SCML2: variants seen among roughly 807,000 people sequenced by gnomAD.
The protein encoded by SCML2 is sex comb on midleg-like protein 2.
SCML2 carries 6 observed loss-of-function variants against 48.4 expected under a neutral mutation model. The observed-to-expected ratio is 0.12, with a 90% CI of 0.07 to 0.24. SCML2 has a LOEUF of 0.24. Among genes scored for constraint, SCML2 ranks in the 10% least tolerant of loss-of-function variants. The pLI, the probability that SCML2 is intolerant of heterozygous loss-of-function variation, is 1.00. For synonymous variants in SCML2, 181 were observed against 189.5 expected (o/e 0.95, Z 0.37); for missense variants, 377 against 528.2 (o/e 0.71, Z 2.81).
Position 18,335,734 on chromosome X carries a change from T to C in SCML2, c.-24-1639A>G, listed in dbSNP as rs1057020253. ...ACGTATACAGATGATCGAAAATACA[T>C]ACTTGAAGAAAACCTAAATAAATCA... On this transcript the variant is annotated intron_variant, in intron 1 of 14. Transcript: ENST00000251900. Among the ~76,000 whole-genome samples, 3 of 111,300 alleles carry C rather than the reference T, an allele frequency of 2.7e-5. No individual in the cohort carries two copies. The South Asian group carries it at 1.1e-3, about 42-fold the overall frequency.
intron 11 of SCML2, among the ~76,000 whole-genome samples, chrX:18,255,690 G>A (rs1389763272): frequency 8.9e-6 from 1 of 112,291 alleles, no homozygotes; most frequent in African/African-American, 3.2e-5. Flanking sequence ...GAGGAGACAA[G>A]CTTTATGAAG....
chrX:18,260,146 T>C lies in SCML2; in HGVS notation c.1069+25A>G, dbSNP rs750980494. The C allele has an allele frequency of 4.6e-6, 5 of 1,084,397 alleles. No homozygotes were observed. The African/African-American group carries it at 5.6e-5, about 12-fold the overall frequency. The allele number at this position is 1,084,397 out of a possible 1,213,427, so 89.4% of individuals were successfully genotyped here. On this transcript the variant is annotated intron_variant, in intron 9 of 14. Coordinates refer to ENST00000251900, the MANE Select transcript of SCML2 (RefSeq NM_006089.3). Reference sequence around the variant, plus strand: ...ACAGGATAAAAGATTAGTAATTCTATACTATTTTTAAAATATGAATTTACC... The same window carrying C: ...ACAGGATAAAAGATTAGTAATTCTACACTATTTTTAAAATATGAATTTACC...
chrX:18,294,988 AC>A (rs1395271413), intron 7 of SCML2, among the ~76,000 whole-genome samples: 1 of 109,379 alleles, frequency 9.1e-6, no homozygotes, highest in Non-Finnish European at 1.9e-5. Flanking sequence ...ACTAGCAATT[AC>A]CCCCCACCCC....
chrX:18,246,630 G>T lies in SCML2; in HGVS notation c.1769C>A (p.Ser590Tyr). ...AACTTCATGGGGACTGCTCTTGGGG[G>T]ATATGTCCCCAACTAGTGGTGAACT... is the stretch of plus-strand genomic sequence containing the variant. ...TTSSPLVGDISPKSSPHEVKF... is the reference protein window; with the variant it reads ...TTSSPLVGDIYPKSSPHEVKF... Residue 590 changes from serine to tyrosine, a missense_variant, in exon 13 of 15, where the codon TCC (serine) becomes TAC (tyrosine). Coordinates refer to ENST00000251900, the MANE Select transcript of SCML2 (RefSeq NM_006089.3). 1 of 1,209,057 alleles carries T rather than the reference G, an allele frequency of 8.3e-7. No individual in the cohort carries two copies. Among genetic ancestry groups the T allele is most frequent in the Non-Finnish European group, 1.1e-6 (1 of 893,238 alleles).
At chrX:18,350,092 A>T (rs1215931206) in intron 1 of SCML2, among the ~76,000 whole-genome samples, 1 of 111,351 alleles carries the variant, frequency 9.0e-6, no homozygotes, top group African/African-American at 3.3e-5. Context: ...GTGAAACCCC[A>T]TCTCTACTAA....
intron 7 of SCML2, among the ~76,000 whole-genome samples, chrX:18,281,693 T>G (rs1169684587): frequency 1.5e-5 from 1 of 67,978 alleles, no homozygotes; most frequent in Non-Finnish European, 2.6e-5. Flanking sequence ...GCCTGGGGGA[T>G]AGAGTGAGAC....
intron 14 of SCML2, among the ~76,000 whole-genome samples, chrX:18,242,206 G>T (rs10521679): frequency 9.0e-6 from 1 of 111,507 alleles, no homozygotes; most frequent in Admixed American, 9.6e-5. Flanking sequence ...CTGAATCATC[G>T]TATCTTGAGA....
chrX:18,248,373 C>T (rs5909169), intron 11 of SCML2, among the ~76,000 whole-genome samples: 30,407 of 111,512 alleles, frequency 0.27, 3,543 homozygotes, highest in African/African-American at 0.44. Flanking sequence ...AGGACCACTC[C>T]GTAAAGCATG....
chrX:18,320,566 A>C, intron 5 of SCML2, 146 bp from the exon 6 acceptor site: 1 of 374,569 alleles, frequency 2.7e-6, no homozygotes, highest in Admixed American at 4.2e-5. Context: ...CAAGAGGAGC[A>C]GATGTACCCT....
At chrX:18,277,713 T>A (rs780951239) in intron 7 of SCML2, among the ~76,000 whole-genome samples, 1 of 112,032 alleles carries the variant, frequency 8.9e-6, no homozygotes, top group Non-Finnish European at 1.9e-5. Flanking sequence ...TGGTTAAATA[T>A]GTTTTTCACG....
chrX:18,325,466 T>C (rs1158545267), intron 3 of SCML2, among the ~76,000 whole-genome samples: 1 of 111,534 alleles, frequency 9.0e-6, no homozygotes. Flanking sequence ...AAGAAAAAAA[T>C]GTGGTAACCA....
At chrX:18,349,665 C>T (rs940607150) in intron 1 of SCML2, among the ~76,000 whole-genome samples, 2 of 111,494 alleles carry the variant, frequency 1.8e-5, no homozygotes, top group Admixed American at 9.5e-5. Flanking sequence ...GGCATGGTTG[C>T]GCACGCCTGT....
intron 14 of SCML2, among the ~76,000 whole-genome samples, chrX:18,241,664 A>G (rs1299198550): frequency 8.9e-6 from 1 of 112,389 alleles, no homozygotes; most frequent in Admixed American, 9.5e-5. Flanking sequence ...AATACTAAAT[A>G]TATCTATGAC....
At chrX:18,339,162 A>T (rs1186525745) in intron 1 of SCML2, among the ~76,000 whole-genome samples, 1 of 111,540 alleles carries the variant, frequency 9.0e-6, no homozygotes, top group African/African-American at 3.3e-5. Context: ...CAGACCAAAG[A>T]GTTGTTGCTT....
intron 9 of SCML2, 90 bp from the exon 10 acceptor site, chrX:18,258,337 C>T (rs1926938287): frequency 1.6e-6 from 1 of 606,840 alleles, no homozygotes; most frequent in Non-Finnish European, 2.6e-6. Context: ...CTATATCCCA[C>T]TATCCACTTC....
At chrX:18,342,240 T>G (rs1569166049) in intron 1 of SCML2, among the ~76,000 whole-genome samples, 1 of 111,901 alleles carries the variant, frequency 8.9e-6, no homozygotes. Context: ...GTTAAAAGCT[T>G]CAGGCTTTTG....
At chrX:18,327,736 G>C (rs1436967964) in intron 3 of SCML2, among the ~76,000 whole-genome samples, 1 of 111,484 alleles carries the variant, frequency 9.0e-6, no homozygotes, top group East Asian at 2.8e-4. Context: ...AGGTTCGTTG[G>C]TTTTTGTTTG....
At chrX:18,303,780 A>G (rs1048438955) in intron 7 of SCML2, among the ~76,000 whole-genome samples, 1 of 111,894 alleles carries the variant, frequency 8.9e-6, no homozygotes, top group Non-Finnish European at 1.9e-5. Context: ...GAAACTGGTT[A>G]AAGATGTACC....
intron 9 of SCML2, among the ~76,000 whole-genome samples, chrX:18,259,024 G>GAGGCCAAGGTGGGCGGATCAACTC (rs2147474566): frequency 9.0e-6 from 1 of 111,321 alleles, no homozygotes; most frequent in East Asian, 2.8e-4. Flanking sequence ...AGCACTTTGG[G>GAGGCCAAGGTGGGCGGATCAACTC]AGGCCAAGGT....
Sources: allele counts gnomAD v4.1 joint callset (sites outside exome capture counted in the v4.1 genomes callset), GRCh38; gene constraint gnomAD v4.1.1; transcripts MANE v1.5; gene names NCBI Gene and HGNC (gene_info 2026-07-23, HGNC 2026-07-21).